The following CNTNAP4 variants were observed in gnomAD, a reference collection of about 807,000 sequenced individuals.
CNTNAP4 encodes contactin associated protein family member 4, also known as contactin-associated protein-like 4.
A neutral mutation model predicts 148.4 loss-of-function variants in CNTNAP4; 98 were observed. That is an observed-to-expected ratio of 0.66 (90% CI 0.56 to 0.78). The LOEUF (loss-of-function observed/expected upper bound fraction) is 0.78. Ranked by LOEUF, CNTNAP4 falls within the 30% of genes least tolerant of loss-of-function variation. CNTNAP4 has a pLI of 0.00. For synonymous variants in CNTNAP4, 730 were observed against 565.1 expected (o/e 1.29, Z -4.14); for missense variants, 1,935 against 1,565.6 (o/e 1.24, Z -3.98).
intron 15 of CNTNAP4, among the ~76,000 whole-genome samples, chr16:76,518,385 C>T (rs933950557): frequency 1.3e-5 from 2 of 152,082 alleles, no homozygotes; most frequent in Non-Finnish European, 2.9e-5. Flanking sequence ...ACCTCAGCCC[C>T]CAAAAGTGCT....
At chr16:76,300,420 A>T (rs560522128) in intron 1 of CNTNAP4, among the ~76,000 whole-genome samples, 1 of 152,168 alleles carries the variant, frequency 6.6e-6, no homozygotes, top group African/African-American at 2.4e-5. Flanking sequence ...TCTAGGGGAG[A>T]GATAGCATTA....
At chr16:76,310,219 C>T (rs1464033691) in intron 1 of CNTNAP4, among the ~76,000 whole-genome samples, 3 of 152,104 alleles carry the variant, frequency 2.0e-5, no homozygotes, top group Admixed American at 1.3e-4. Flanking sequence ...GGCGAGGAGA[C>T]AAGACGCCAC....
At chr16:76,380,618 G>A (rs1462930952) in intron 3 of CNTNAP4, among the ~76,000 whole-genome samples, 2 of 152,114 alleles carry the variant, frequency 1.3e-5, no homozygotes, top group Non-Finnish European at 2.9e-5. Context: ...ATGTGATCGG[G>A]GGAGTGGTTT....
intron 10 of CNTNAP4, among the ~76,000 whole-genome samples, chr16:76,469,167 A>G (rs980722438): frequency 2.0e-5 from 3 of 152,224 alleles, no homozygotes; most frequent in Non-Finnish European, 2.9e-5. Context: ...GTGGCAGGAC[A>G]TAATTTCCTC....
At chr16:76,412,538 A>C (rs1418837964) in intron 3 of CNTNAP4, among the ~76,000 whole-genome samples, 4 of 151,366 alleles carry the variant, frequency 2.6e-5, no homozygotes, top group Non-Finnish European at 5.9e-5. Flanking sequence ...TTTGTTTTAG[A>C]TGTTTATTGT....
chr16:76,347,021 TTGAAG>T (rs1964958378), intron 2 of CNTNAP4, among the ~76,000 whole-genome samples: 2 of 151,616 alleles, frequency 1.3e-5, no homozygotes, highest in African/African-American at 4.9e-5. Flanking sequence ...TGCTGGGGAG[TTGAAG>T]TGAAAAAGCA....
At chr16:76,524,674 A>C (rs1160332777) in intron 17 of CNTNAP4, among the ~76,000 whole-genome samples, 1 of 152,206 alleles carries the variant, frequency 6.6e-6, no homozygotes, top group East Asian at 1.9e-4. Context: ...AATTTTAATA[A>C]GGATCTGAAA....
At chr16:76,447,753 T>C (rs1472720090) in intron 4 of CNTNAP4, among the ~76,000 whole-genome samples, 1 of 152,220 alleles carries the variant, frequency 6.6e-6, no homozygotes, top group African/African-American at 2.4e-5. Context: ...CTAATGTAAG[T>C]GTTCTGAGCA....
chr16:76,316,114 TACA>T lies in CNTNAP4; in HGVS notation c.86-298_86-296del, dbSNP rs1311495095. Reference sequence around the variant, plus strand: ...GGAAACCTTAAGTATTTAATTTTCATACAGTTAAATTTGTGAATCTTTTATAAT... The same window carrying T: ...GGAAACCTTAAGTATTTAATTTTCATGTTAAATTTGTGAATCTTTTATAAT... On this transcript the variant is annotated intron_variant, in intron 1 of 23. Coordinates refer to ENST00000611870, the MANE Select transcript of CNTNAP4 (RefSeq NM_033401.5). 33 of 446,694 alleles carry T rather than the reference TACA, an allele frequency of 7.4e-5. No individual in the cohort carries two copies. The East Asian group carries it at 9.2e-4, about 12-fold the overall frequency. 27.7% of individuals were successfully genotyped at this position (446,694 alleles called of 1,614,324 possible). A position where few individuals can be genotyped will look rare whatever the true frequency, so the allele number is the denominator to read the frequency against.
At position 76,509,179 on chromosome 16, in the gene CNTNAP4, C is replaced by G. The variant is rs1332256977; in HGVS notation, c.2365+10485C>G. On this transcript the variant is annotated intron_variant, in intron 15 of 23. Transcript: ENST00000611870. ...TCATTCCAAATGTTGGTAGATATCT[C>G]TAGTGCAGGGCTTCCCAGTCTCACC... is the stretch of plus-strand genomic sequence containing the variant. Among the ~76,000 whole-genome samples, 11 of 97,240 alleles carry G rather than the reference C, an allele frequency of 1.1e-4. 2 individuals are homozygous for G. The highest frequency in any genetic ancestry group is 2.8e-4 in the African/African-American group (11 of 38,772). The allele number at this position is 97,240 out of a possible 152,430, so 63.8% of individuals were successfully genotyped here.
chr16:76,513,863 G>A (rs1282657517), intron 15 of CNTNAP4, among the ~76,000 whole-genome samples: 2 of 152,048 alleles, frequency 1.3e-5, no homozygotes, highest in Non-Finnish European at 2.9e-5. Flanking sequence ...TTAGTAAATG[G>A]CCAATAAAAA....
intron 15 of CNTNAP4, among the ~76,000 whole-genome samples, chr16:76,502,316 C>G (rs947481414): frequency 4.0e-5 from 6 of 151,248 alleles, no homozygotes; most frequent in Admixed American, 2.0e-4. Context: ...ACAGCGAATA[C>G]TCCTTTTTTC....
chr16:76,378,328 A>G (rs865787296), intron 3 of CNTNAP4, among the ~76,000 whole-genome samples: 31 of 152,216 alleles, frequency 2.0e-4, no homozygotes, highest in Non-Finnish European at 7.3e-5. Flanking sequence ...GGCAGAAAAA[A>G]GATCGTTGGA....
At chr16:76,323,936 C>G (rs1436051063) in intron 2 of CNTNAP4, among the ~76,000 whole-genome samples, 2 of 152,056 alleles carry the variant, frequency 1.3e-5, no homozygotes, top group Admixed American at 6.5e-5. Context: ...TTTTTTACCC[C>G]CTGGGTAGAG....
chr16:76,408,037 G>A (rs1319062049), intron 3 of CNTNAP4, among the ~76,000 whole-genome samples: 1 of 151,856 alleles, frequency 6.6e-6, no homozygotes, highest in Non-Finnish European at 1.5e-5. Context: ...AAAATTTACT[G>A]AAGACTGAGA....
intron 10 of CNTNAP4, among the ~76,000 whole-genome samples, chr16:76,473,021 T>G (rs920133448): frequency 1.3e-5 from 2 of 152,204 alleles, no homozygotes; most frequent in African/African-American, 4.8e-5. Flanking sequence ...GGAAGCCTTC[T>G]CTGAATAATG....
chr16:76,553,454 AG>A lies in CNTNAP4; in HGVS notation c.3615del (p.Gln1205HisfsTer22). On this transcript the variant is annotated frameshift_variant, in exon 22 of 24. Coordinates refer to ENST00000611870, the MANE Select transcript of CNTNAP4 (RefSeq NM_033401.5). LOFTEE classifies it high-confidence loss of function. ...GHVTESSCMA[Q>X]PGTDATSRER... Reference sequence around the variant, plus strand: ...GTGACTGAGTCCAGCTGTATGGCCCAGCCTGGCACTGATGCCACATCAAGGG... The same window carrying A: ...GTGACTGAGTCCAGCTGTATGGCCCACCTGGCACTGATGCCACATCAAGGG... The A allele has an allele frequency of 6.2e-7, 1 of 1,612,670 alleles. No individual in the cohort carries two copies.
At chr16:76,485,794 C>T (rs116739222) in intron 12 of CNTNAP4, among the ~76,000 whole-genome samples, 1,731 of 152,284 alleles carry the variant, frequency 0.011, 45 homozygotes, top group African/African-American at 0.04. Context: ...TAAAGGCCTT[C>T]TTAACAGCTA....
chr16:76,385,514 CATATTT>C (rs1306998241), intron 3 of CNTNAP4, among the ~76,000 whole-genome samples: 2 of 151,316 alleles, frequency 1.3e-5, no homozygotes, highest in South Asian at 4.2e-4. Context: ...AGTCTTTTCT[CATATTT>C]ATACAAAAAT....
Sources: allele counts gnomAD v4.1 joint callset (sites outside exome capture counted in the v4.1 genomes callset), GRCh38; gene constraint gnomAD v4.1.1; transcripts MANE v1.5; gene names NCBI Gene and HGNC (gene_info 2026-07-23, HGNC 2026-07-21).